Variants in ACTR2 observed in about 807,000 individuals in gnomAD.
ACTR2 encodes the protein actin related protein 2, also known as actin-related protein 2.
Under a neutral mutation model 50.2 loss-of-function variants are expected in ACTR2, and 5 were observed. The ratio of observed to expected loss-of-function variants is 0.10; its 90% CI spans 0.05 to 0.21. The LOEUF (loss-of-function observed/expected upper bound fraction) is 0.21. ACTR2 is among the 10% of genes least tolerant of loss of function. The probability of loss-of-function intolerance (pLI) is 1.00; values close to 1 mark genes in which losing one functional copy is unlikely to be tolerated. For missense variants in ACTR2, 180 were observed against 480.6 expected (o/e 0.37, Z 5.85); for synonymous variants, 140 against 162.9 (o/e 0.86, Z 1.07).
chr2:65,229,029 G>A lies in ACTR2; in HGVS notation c.48+1072G>A, dbSNP rs561669402. 6.6e-5 allele frequency among the ~76,000 whole-genome samples: 10 copies of A among 152,048 alleles called. 1 individual carries two copies. Among genetic ancestry groups the A allele is most frequent in the African/African-American group, 2.4e-4 (10 of 41,492 alleles). ...CAGGAAGCGGAGGTTGCAGTGAGCC[G>A]AGATTGCGCCACTGCACTCCAGCCT... On this transcript the variant is annotated intron_variant, in intron 1 of 8. Transcript: ENST00000260641.
At chr2:65,231,969 T>TA (rs1333877020) in intron 1 of ACTR2, among the ~76,000 whole-genome samples, 1 of 152,250 alleles carries the variant, frequency 6.6e-6, no homozygotes, top group Non-Finnish European at 1.5e-5. Flanking sequence ...AGTTTGTACT[T>TA]ACGATCACAT....
intron 1 of ACTR2, among the ~76,000 whole-genome samples, chr2:65,235,033 TG>T (rs1671713697): frequency 6.6e-6 from 1 of 152,168 alleles, no homozygotes; most frequent in African/African-American, 2.4e-5. Context: ...TCATGACAGA[TG>T]TTATACAGAA....
At chr2:65,244,119 G>A (rs1671891100) in intron 2 of ACTR2, among the ~76,000 whole-genome samples, 1 of 152,096 alleles carries the variant, frequency 6.6e-6, no homozygotes, top group African/African-American at 2.4e-5. Context: ...ATCCTTTATA[G>A]TATGTGTGGT....
At chr2:65,250,716 A>G (rs563888384) in intron 3 of ACTR2, among the ~76,000 whole-genome samples, 4 of 152,118 alleles carry the variant, frequency 2.6e-5, no homozygotes, top group East Asian at 3.9e-4. Flanking sequence ...AGGGATATCA[A>G]TTAAGAAAGT....
In ACTR2 at chr2:65,237,887, C is replaced by T. The variant is rs146555648; in HGVS notation, c.49-1965C>T. On this transcript the variant is annotated intron_variant, in intron 1 of 8. Coordinates refer to ENST00000260641, the MANE Select transcript of ACTR2 (RefSeq NM_005722.4). The stretch of plus-strand genomic sequence containing the variant: ...CCCAGCTACTCAGAAGGCTGAGGCA[C>T]GAGAATCACTTGAACCCGTGGGCGG... Among the ~76,000 whole-genome samples, 1,227 of 152,100 alleles carry T rather than the reference C, an allele frequency of 8.1e-3. 19 individuals carry two copies. Among genetic ancestry groups the T allele is most frequent in the African/African-American group, 0.024 (1,001 of 41,502 alleles).
rs192780340 is a variant in ACTR2, at chr2:65,246,869, A to G, written c.375+130A>G. 1,655 of 687,442 alleles carry G rather than the reference A, an allele frequency of 2.4e-3. 4 individuals are homozygous for G. The highest frequency in any genetic ancestry group is 3.2e-3 in the Non-Finnish European group (1,376 of 423,902). 42.6% of individuals were successfully genotyped at this position (687,442 alleles called of 1,614,324 possible). A position where few individuals can be genotyped will look rare whatever the true frequency, so the allele number is the denominator to read the frequency against. ...TTCCTTCAGATCTTATTAAGTATCT[A>G]CTATATGCTAGTCATTATTCTAAGT... On this transcript the variant is annotated intron_variant, in intron 3 of 8. Coordinates refer to ENST00000260641, the MANE Select transcript of ACTR2 (RefSeq NM_005722.4).
intron 1 of ACTR2, among the ~76,000 whole-genome samples, chr2:65,231,294 CAT>C (rs919700100): frequency 1.6e-4 from 24 of 152,248 alleles, no homozygotes; most frequent in Admixed American, 1.4e-3. Flanking sequence ...ATACATGAAT[CAT>C]ATAACAGGAA....
chr2:65,252,039 G>A (rs1449381083), intron 4 of ACTR2, among the ~76,000 whole-genome samples: 2 of 152,082 alleles, frequency 1.3e-5, no homozygotes, highest in Non-Finnish European at 1.5e-5. Context: ...AATCCAGTGG[G>A]AAAAGAGTGT....
chr2:65,267,231 T>C (rs564863485), intron 8 of ACTR2, among the ~76,000 whole-genome samples: 69 of 152,324 alleles, frequency 4.5e-4, no homozygotes, highest in African/African-American at 1.6e-3. Context: ...TACATAATGT[T>C]ACCTGTTGTC....
At chr2:65,265,902 A>G (rs1672363137) in intron 8 of ACTR2, among the ~76,000 whole-genome samples, 2 of 152,228 alleles carry the variant, frequency 1.3e-5, no homozygotes. Context: ...TATGTATTAC[A>G]GAGTACTGTA....
In ACTR2 at chr2:65,261,297, A is replaced by G. The variant is rs1672263668; in HGVS notation, c.786A>G (p.Pro262=). ...TTGGGGGAGAGAGATTTGAAGCACC[A>G]GAAGCTTTATTTCAGCCTCACTTGA... ...IKVGGERFEA[P]EALFQPHLIN... The change falls in exon 7 of 9, where the codon CCA becomes CCG. Residue 262 remains proline (P), a synonymous_variant. Coordinates refer to ENST00000260641, the MANE Select transcript of ACTR2 (RefSeq NM_005722.4). 4 of 1,613,996 alleles carry G rather than the reference A, an allele frequency of 2.5e-6. No individual in the cohort carries two copies. The highest frequency in any genetic ancestry group is 1.7e-5 in the Admixed American group (1 of 59,992).
At chr2:65,229,344 C>G (rs1671591921) in intron 1 of ACTR2, among the ~76,000 whole-genome samples, 1 of 152,126 alleles carries the variant, frequency 6.6e-6, no homozygotes, top group South Asian at 2.1e-4. Context: ...GGGAAAAGAG[C>G]TGGTATTTAC....
chr2:65,236,076 C>T (rs146409211), intron 1 of ACTR2, among the ~76,000 whole-genome samples: 128 of 152,122 alleles, frequency 8.4e-4, no homozygotes, highest in African/African-American at 3.0e-3. Flanking sequence ...TAAGTGGGGC[C>T]GGGTGCGGTG....
chr2:65,238,302 G>C (rs1671776083), intron 1 of ACTR2, among the ~76,000 whole-genome samples: 1 of 152,092 alleles, frequency 6.6e-6, no homozygotes, highest in Non-Finnish European at 1.5e-5. Flanking sequence ...TATGTTCTCG[G>C]AGCAGTACAC....
chr2:65,257,715 T>C (rs1158009215), intron 6 of ACTR2, among the ~76,000 whole-genome samples: 1 of 152,376 alleles, frequency 6.6e-6, no homozygotes, highest in Non-Finnish European at 1.5e-5. Context: ...TTTTTTCTTA[T>C]GTTTATTGGC....
intron 1 of ACTR2, among the ~76,000 whole-genome samples, chr2:65,229,716 A>G (rs1671599126): frequency 7.1e-6 from 1 of 140,224 alleles, no homozygotes; most frequent in South Asian, 2.3e-4. Flanking sequence ...AGATCGCACC[A>G]CTCCAGCCTG....
At chr2:65,245,731 A>C (rs1457737031) in intron 2 of ACTR2, among the ~76,000 whole-genome samples, 1 of 152,188 alleles carries the variant, frequency 6.6e-6, no homozygotes, top group Admixed American at 6.5e-5. Context: ...TTATATATAG[A>C]AAATGTGACT....
intron 3 of ACTR2, among the ~76,000 whole-genome samples, chr2:65,250,452 A>G (rs1303925310): frequency 6.6e-6 from 1 of 151,990 alleles, no homozygotes. Context: ...AGGTGGGTGG[A>G]TCATGAGGTC....
chr2:65,257,865 G>T (rs1672181496), intron 6 of ACTR2, among the ~76,000 whole-genome samples: 1 of 152,140 alleles, frequency 6.6e-6, no homozygotes, highest in East Asian at 1.9e-4. Context: ...TGGATAGATT[G>T]CAAAAATTTT....
Sources: allele counts gnomAD v4.1 joint callset (sites outside exome capture counted in the v4.1 genomes callset), GRCh38; gene constraint gnomAD v4.1.1; transcripts MANE v1.5; gene names NCBI Gene and HGNC (gene_info 2026-07-23, HGNC 2026-07-21).